DOCK9: variants seen among roughly 807,000 people sequenced by gnomAD.
DOCK9 encodes the protein dedicator of cytokinesis protein 9.
A neutral mutation model predicts 263.3 loss-of-function variants in DOCK9; 89 were observed. The observed-to-expected ratio is 0.34, with a 90% CI of 0.28 to 0.40. DOCK9 has a LOEUF of 0.40. Ranked by LOEUF, DOCK9 falls within the 10% of genes least tolerant of loss-of-function variation. DOCK9 has a pLI of 1.00. For synonymous variants in DOCK9, 976 were observed against 973.1 expected (o/e 1.00, Z -0.06); for missense variants, 2,140 against 2,603.4 (o/e 0.82, Z 3.87).
intron 45 of DOCK9, 71 bp from the exon 46 acceptor site, chr13:98,810,362 ATGCTAAGTGCTAAGAC>A: frequency 6.3e-7 from 1 of 1,585,722 alleles, no homozygotes; most frequent in East Asian, 2.2e-5. Context: ...CCGTTGCAGA[ATGCTAAGTGCTAAGAC>A]TGCCAGGAGG....
At chr13:98,956,073 C>A (rs2058025917) in intron 1 of DOCK9, among the ~76,000 whole-genome samples, 3 of 152,144 alleles carry the variant, frequency 2.0e-5, no homozygotes, top group Non-Finnish European at 4.4e-5. Context: ...TATGTAATAC[C>A]TAAAGGTAGA....
chr13:98,817,908 T>C (rs1214689724), intron 45 of DOCK9, among the ~76,000 whole-genome samples: 1 of 152,108 alleles, frequency 6.6e-6, no homozygotes, highest in Non-Finnish European at 1.5e-5. Flanking sequence ...TTGATGGTTA[T>C]CAAGAACTAG....
intron 44 of DOCK9, among the ~76,000 whole-genome samples, chr13:98,826,181 T>A (rs1181065271): frequency 6.6e-6 from 1 of 152,228 alleles, no homozygotes; most frequent in African/African-American, 2.4e-5. Context: ...TTCTCCCATG[T>A]AACTCACGCA....
intron 9 of DOCK9, among the ~76,000 whole-genome samples, chr13:98,907,254 T>C (rs2049251175): frequency 6.6e-6 from 1 of 152,208 alleles, no homozygotes; most frequent in East Asian, 1.9e-4. Flanking sequence ...CCAACAGTTA[T>C]CTATTCTACT....
At chr13:98,921,889 C>T (rs545276482) in intron 6 of DOCK9, among the ~76,000 whole-genome samples, 162 bp downstream of exon 6, 2 of 152,278 alleles carry the variant, frequency 1.3e-5, no homozygotes, top group East Asian at 1.9e-4. Flanking sequence ...GTGGATGAGG[C>T]TGTGCCAATG....
intron 33 of DOCK9, chr13:98,857,686 C>G (rs1400884249): frequency 6.6e-6 from 1 of 152,178 alleles, no homozygotes; most frequent in African/African-American, 2.4e-5. Flanking sequence ...ACTGCTATCC[C>G]TGAAACTGAT....
Position 98,824,406 on chromosome 13 carries a change from A to T in DOCK9, c.5122T>A (p.Phe1708Ile). 6.2e-7 allele frequency: 1 copy of T among 1,613,806 alleles called. No individual in the cohort carries two copies. Among genetic ancestry groups the T allele is most frequent in the Non-Finnish European group, 8.5e-7 (1 of 1,179,754 alleles). ...TGAGTTCAAGCACGCACCTCGTTGA[A>T]ATGGACATCCTGCATCCCCACGTCT... ...MEDVGMQDVH[F>I]NEDVLMELLE... The change falls in exon 45 of 53, where the codon TTC becomes ATC. Residue 1708 changes from phenylalanine to isoleucine, a missense_variant. Phe to Ile is a conservative substitution (Grantham distance 21). This residue lies in a region of DOCK9 where 619 missense variants were observed against 861.8 expected (regional missense o/e 0.72). Coordinates refer to ENST00000682017, the MANE Select transcript of DOCK9 (RefSeq NM_001366683.2).
intron 27 of DOCK9, among the ~76,000 whole-genome samples, chr13:98,874,362 G>A (rs755864880): frequency 6.6e-6 from 1 of 152,164 alleles, no homozygotes; most frequent in Non-Finnish European, 1.5e-5. Context: ...ATTGTGTGGA[G>A]TTACCACAAT....
intron 1 of DOCK9, among the ~76,000 whole-genome samples, chr13:98,968,689 C>T (rs2141282219): frequency 6.6e-6 from 1 of 152,314 alleles, no homozygotes; most frequent in South Asian, 2.1e-4. Context: ...CTATTATAGA[C>T]TGTAAGAAAT....
chr13:98,837,669 T>A (rs1252468443), intron 38 of DOCK9, 60 bp from the exon 39 acceptor site: 3 of 1,179,004 alleles, frequency 2.5e-6, no homozygotes, highest in South Asian at 1.3e-5. Context: ...GCTGGCAGGA[T>A]GCGGTAGGCA....
intron 13 of DOCK9, among the ~76,000 whole-genome samples, chr13:98,899,725 C>G (rs1052159973): frequency 2.0e-5 from 3 of 152,140 alleles, no homozygotes; most frequent in Non-Finnish European, 4.4e-5. Context: ...GCAGTAATTT[C>G]ATAAAATTTA....
chr13:98,836,877 A>G lies in DOCK9; in HGVS notation c.4314+617T>C, dbSNP rs151230040. ...TTTATGGCATATAAACACTCATTCA[A>G]TTTCTCCTTTCTATGCTAGAAATGG... On this transcript the variant is annotated intron_variant, in intron 39 of 52. Coordinates refer to ENST00000682017, the MANE Select transcript of DOCK9 (RefSeq NM_001366683.2). Among the ~76,000 whole-genome samples the G allele has an allele frequency of 1.9e-3, 288 of 152,316 alleles. 2 individuals carry two copies. Among genetic ancestry groups the G allele is most frequent in the African/African-American group, 5.8e-3 (240 of 41,560 alleles).
chr13:99,009,909 T>C (rs1010582506), intron 1 of DOCK9, among the ~76,000 whole-genome samples: 2 of 151,840 alleles, frequency 1.3e-5, no homozygotes, highest in Admixed American at 6.6e-5. Context: ...AAAGTTTATA[T>C]AGTACTAAAG....
rs1248801200 is a variant in DOCK9, at chr13:98,831,776, A to T, written c.4325T>A (p.Leu1442Gln). 1 of 1,613,904 alleles carries T rather than the reference A, an allele frequency of 6.2e-7. No homozygotes were observed. The highest frequency in any genetic ancestry group is 1.1e-5 in the South Asian group (1 of 91,066). ...LFTLAFKNQL[L>Q]ADHGHNPLMK... ...GAGAGGATTATGTCCATGGTCGGCC[A>T]GGAGCTGGTTCTTAAAACACACATT... Residue 1442 changes from leucine (L) to glutamine (Q), a missense_variant, in exon 40 of 53, where the codon CTG becomes CAG. Physicochemically the swap from Leu to Gln is moderately radical, Grantham distance 113. Around this residue, in one of 2 missense-constraint regions of DOCK9, gnomAD observed 619 missense variants for 861.8 expected, o/e 0.72. Coordinates refer to ENST00000682017, the MANE Select transcript of DOCK9 (RefSeq NM_001366683.2).
At chr13:98,998,037 G>A (rs536498869) in intron 1 of DOCK9, among the ~76,000 whole-genome samples, 1 of 152,328 alleles carries the variant, frequency 6.6e-6, no homozygotes, top group South Asian at 2.1e-4. Flanking sequence ...CATCTCCAGG[G>A]TGATGGTGAG....
intron 6 of DOCK9, 145 bp from the exon 7 acceptor site, chr13:98,921,233 G>A: frequency 1.3e-6 from 1 of 790,998 alleles, no homozygotes; most frequent in Non-Finnish European, 1.9e-6. Flanking sequence ...GTGGGGTCAA[G>A]ACTCCCCATC....
At chr13:98,849,082 T>C (rs1229212518) in intron 36 of DOCK9, among the ~76,000 whole-genome samples, 3 of 152,170 alleles carry the variant, frequency 2.0e-5, no homozygotes, top group Non-Finnish European at 2.9e-5. Flanking sequence ...ACACCAAGTG[T>C]GTAGTTTTTA....
At chr13:98,801,662 A>C (rs1392871681) in intron 49 of DOCK9, among the ~76,000 whole-genome samples, 3 of 152,176 alleles carry the variant, frequency 2.0e-5, no homozygotes, top group Non-Finnish European at 4.4e-5. Context: ...TATATTTACT[A>C]ATAGGCAGGT....
chr13:98,936,617 C>T lies in DOCK9; in HGVS notation c.244-6360G>A, dbSNP rs370874117. Reference sequence around the variant, plus strand: ...CCTGGGTGATGGAGTGAGACACTGTCTCAAACAAAAAAAAAAAAAAGAAAG... The same window carrying T: ...CCTGGGTGATGGAGTGAGACACTGTTTCAAACAAAAAAAAAAAAAAGAAAG... On this transcript the variant is annotated intron_variant, in intron 2 of 52. Coordinates refer to ENST00000682017, the MANE Select transcript of DOCK9 (RefSeq NM_001366683.2). Among the ~76,000 whole-genome samples the T allele has an allele frequency of 1.4e-3, 177 of 123,688 alleles. 2 individuals carry two copies. Among genetic ancestry groups the T allele is most frequent in the Admixed American group, 0.012 (126 of 10,952 alleles). The allele number at this position is 123,688 out of a possible 152,430, so 81.1% of individuals were successfully genotyped here. A position where few individuals can be genotyped will look rare whatever the true frequency, so the allele number is the denominator to read the frequency against.
Sources: gnomAD v4.1 joint callset for allele counts (sites outside exome capture counted in the v4.1 genomes callset) on GRCh38, gnomAD v4.1.1 for gene constraint, gnomAD v4.1.1 regional missense constraint, MANE v1.5 for transcripts, NCBI Gene and HGNC (gene_info 2026-07-23, HGNC 2026-07-21) for gene names.